NSMCE2: variants seen among roughly 807,000 people sequenced by gnomAD.
NSMCE2 encodes NSE2 SUMO ligase component of SMC5/6 complex.
Under a neutral mutation model 23.8 loss-of-function variants are expected in NSMCE2, and 24 were observed. The observed-to-expected ratio is 1.01, with a 90% CI of 0.73 to 1.42. The LOEUF is 1.42. Among genes scored for constraint, NSMCE2 ranks in the 40% most tolerant of loss-of-function variants. The pLI is 0.00. For synonymous variants in NSMCE2, 92 were observed against 94.1 expected (o/e 0.98, Z 0.13); for missense variants, 284 against 296.5 (o/e 0.96, Z 0.31).
chr8:125,237,421 G>A (rs980950171), intron 5 of NSMCE2, among the ~76,000 whole-genome samples: 6 of 152,158 alleles, frequency 3.9e-5, no homozygotes, highest in African/African-American at 7.2e-5. Context: ...TCCTAACAAA[G>A]CACTGTCAGA....
rs552657682 is a variant in NSMCE2, at chr8:125,228,680, C to A, written c.418+46424C>A. On this transcript the variant is annotated intron_variant, in intron 5 of 7. Coordinates refer to ENST00000287437, the MANE Select transcript of NSMCE2 (RefSeq NM_173685.4). ...GAGAAAAGTGAATGTCCCAGAGAGTCTGGTGTGTTACATGCCATATGGTGG... is the reference window on the plus strand; with the variant it reads ...GAGAAAAGTGAATGTCCCAGAGAGTATGGTGTGTTACATGCCATATGGTGG... 3.3e-5 allele frequency among the ~76,000 whole-genome samples: 5 copies of A among 152,276 alleles called. No homozygotes were observed. The South Asian group carries it at 8.3e-4, about 25-fold the overall frequency.
At position 125,366,737 on chromosome 8, in the gene NSMCE2, G is replaced by A. The variant is rs142236252; in HGVS notation, c.627-31G>A. 121 of 1,269,518 alleles carry A rather than the reference G, an allele frequency of 9.5e-5. No individual in the cohort carries two copies. The East Asian group carries it at 2.2e-3, about 23-fold the overall frequency. 78.6% of individuals were successfully genotyped at this position (1,269,518 alleles called of 1,614,324 possible). A position where few individuals can be genotyped will look rare whatever the true frequency, so the allele number is the denominator to read the frequency against. On this transcript the variant is annotated intron_variant, in intron 7 of 7. Transcript: ENST00000287437. ...AAGTTTCTGCTTAAGGCAGTAAAGG[G>A]GACTGACTTGATGTTCTTTCTTTCT...
intron 5 of NSMCE2, among the ~76,000 whole-genome samples, chr8:125,271,086 C>A (rs1311541077): frequency 2.6e-5 from 4 of 151,616 alleles, no homozygotes; most frequent in African/African-American, 9.7e-5. Context: ...ATAGTGAGAC[C>A]CCGTTTCTAC....
chr8:125,188,261 A>G (rs1823193578), intron 5 of NSMCE2, among the ~76,000 whole-genome samples: 1 of 152,190 alleles, frequency 6.6e-6, no homozygotes, highest in Non-Finnish European at 1.5e-5. Context: ...CATCTACTCA[A>G]AACCACAGTG....
intron 5 of NSMCE2, among the ~76,000 whole-genome samples, chr8:125,186,428 A>G (rs1310160401): frequency 6.6e-6 from 1 of 152,128 alleles, no homozygotes; most frequent in Non-Finnish European, 1.5e-5. Flanking sequence ...CCTGAATACC[A>G]TCCATTTGTC....
chr8:125,190,706 G>T (rs1329771016), intron 5 of NSMCE2, among the ~76,000 whole-genome samples: 3 of 152,032 alleles, frequency 2.0e-5, no homozygotes, highest in Non-Finnish European at 2.9e-5. Flanking sequence ...TCTTAGGTTT[G>T]CCCTATTCCT....
chr8:125,132,401 G>A (rs1047064816), intron 3 of NSMCE2, among the ~76,000 whole-genome samples: 1 of 152,024 alleles, frequency 6.6e-6, no homozygotes, highest in Admixed American at 6.6e-5. Flanking sequence ...ATATTCTTCT[G>A]TGTTCAGCTC....
At chr8:125,325,037 T>C (rs996839460) in intron 5 of NSMCE2, among the ~76,000 whole-genome samples, 11 of 152,222 alleles carry the variant, frequency 7.2e-5, no homozygotes, top group Non-Finnish European at 2.9e-5. Flanking sequence ...CTCTTGATTG[T>C]GGTAATGATT....
chr8:125,209,284 AC>A (rs1389283806), intron 5 of NSMCE2, among the ~76,000 whole-genome samples: 1 of 152,258 alleles, frequency 6.6e-6, no homozygotes, highest in Non-Finnish European at 1.5e-5. Flanking sequence ...AAGAAGTACA[AC>A]ATAGACAAAA....
chr8:125,131,542 T>TAA (rs1168512089), intron 3 of NSMCE2, among the ~76,000 whole-genome samples: 1 of 152,090 alleles, frequency 6.6e-6, no homozygotes, highest in African/African-American at 2.4e-5. Context: ...TATTGGAACT[T>TAA]ATGCACACCT....
intron 4 of NSMCE2, among the ~76,000 whole-genome samples, chr8:125,153,033 G>A (rs1821121588): frequency 7.5e-6 from 1 of 133,696 alleles, no homozygotes; most frequent in South Asian, 2.4e-4. Context: ...CTCCAGCCTG[G>A]GCGACAGAGC....
intron 7 of NSMCE2, among the ~76,000 whole-genome samples, chr8:125,361,727 GGTT>G (rs1447600554): frequency 1.3e-5 from 2 of 152,154 alleles, no homozygotes; most frequent in Non-Finnish European, 2.9e-5. Context: ...ATAGCTGTAG[GGTT>G]GTTAAGACCG....
intron 5 of NSMCE2, among the ~76,000 whole-genome samples, chr8:125,197,892 G>C (rs1018261005): frequency 6.6e-6 from 1 of 152,074 alleles, no homozygotes; most frequent in Non-Finnish European, 1.5e-5. Context: ...AATTCTCCTT[G>C]AAGAGGCCCT....
intron 5 of NSMCE2, among the ~76,000 whole-genome samples, chr8:125,336,194 G>C (rs1830059063): frequency 6.6e-6 from 1 of 152,140 alleles, no homozygotes; most frequent in Non-Finnish European, 1.5e-5. Context: ...TGGAATCCAG[G>C]GAAGAAGGAA....
chr8:125,130,898 A>C (rs910767830), intron 3 of NSMCE2, among the ~76,000 whole-genome samples: 1 of 152,226 alleles, frequency 6.6e-6, no homozygotes, highest in Non-Finnish European at 1.5e-5. Flanking sequence ...GTGTGCCTCC[A>C]GTATACATGT....
chr8:125,165,677 A>G (rs1821840233), intron 4 of NSMCE2, among the ~76,000 whole-genome samples: 1 of 152,228 alleles, frequency 6.6e-6, no homozygotes, highest in African/African-American at 2.4e-5. Context: ...CATTATCTTC[A>G]GAAGTATTCT....
chr8:125,208,223 C>A (rs1824190740), intron 5 of NSMCE2, among the ~76,000 whole-genome samples: 1 of 152,176 alleles, frequency 6.6e-6, no homozygotes, highest in South Asian at 2.1e-4. Flanking sequence ...TCTGATTCAT[C>A]TGTTTGATGA....
intron 5 of NSMCE2, among the ~76,000 whole-genome samples, chr8:125,194,288 T>C (rs1823500388): frequency 6.6e-6 from 1 of 152,172 alleles, no homozygotes; most frequent in Non-Finnish European, 1.5e-5. Flanking sequence ...AACCACTGTT[T>C]TGTTTTTTCT....
chr8:125,094,629 T>C (rs1817840792), intron 1 of NSMCE2: 1 of 152,264 alleles, frequency 6.6e-6, no homozygotes, highest in African/African-American at 2.4e-5. Context: ...TACTGTGTCT[T>C]TGTTCAAGCT....
Sources: allele counts gnomAD v4.1 joint callset (sites outside exome capture counted in the v4.1 genomes callset), GRCh38; gene constraint gnomAD v4.1.1; transcripts MANE v1.5; gene names NCBI Gene and HGNC (gene_info 2026-07-23, HGNC 2026-07-21).